PCDHGC3: variants seen among roughly 807,000 people sequenced by gnomAD.
The protein encoded by PCDHGC3 is protocadherin gamma subfamily C, 3.
PCDHGC3 carries 26 observed loss-of-function variants against 59.2 expected under a neutral mutation model. The observed-to-expected ratio is 0.44, with a 90% CI of 0.32 to 0.61. The LOEUF (loss-of-function observed/expected upper bound fraction) is 0.61, where lower values mean the gene tolerates loss of function less well. Ranked by LOEUF, PCDHGC3 falls within the 20% of genes least tolerant of loss-of-function variation. The probability of loss-of-function intolerance (pLI) is 0.05; values close to 1 mark genes in which losing one functional copy is unlikely to be tolerated. For missense variants in PCDHGC3, 1,080 were observed against 1,221.8 expected (o/e 0.88, Z 1.73); for synonymous variants, 487 against 519.7 (o/e 0.94, Z 0.86).
chr5:141,495,005 C>CG (rs2099758180), intron 2 of PCDHGC3, 140 bp downstream of exon 2: 6 of 1,522,802 alleles, frequency 3.9e-6, no homozygotes, highest in Admixed American at 2.0e-5. Context: ...TCTTGGTGTG[C>CG]GGGGGGCTGG....
At position 141,487,148 on chromosome 5, in the gene PCDHGC3, G is replaced by A; in HGVS notation, c.2431-7659G>A. ...TGGTAGTCCACCACTCTCTACCTCT[G>A]TTACTCTCTTAGTGTCCTTAGAGGA... On this transcript the variant is annotated intron_variant, in intron 1 of 3. Transcript: ENST00000308177. This position sits in a 1 kb window ranked among gnomAD's most constrained non-coding sequence, Gnocchi z 5.0. The A allele has an allele frequency of 6.2e-7, 1 of 1,614,042 alleles. No homozygotes were observed. The highest frequency in any genetic ancestry group is 8.5e-7 in the Non-Finnish European group (1 of 1,179,922).
chr5:141,477,043 G>A lies in PCDHGC3; in HGVS notation c.927G>A (p.Arg309=). The A allele has an allele frequency of 6.2e-7, 1 of 1,614,260 alleles. No individual in the cohort carries two copies. Among genetic ancestry groups the A allele is most frequent in the Middle Eastern group, 1.6e-4 (1 of 6,062 alleles). Residue 309 remains arginine (R), a synonymous_variant, in exon 1 of 4, where the codon CGG becomes CGA. Coordinates refer to ENST00000308177, the MANE Select transcript of PCDHGC3 (RefSeq NM_002588.4). This position sits in a 1 kb window ranked among gnomAD's most constrained non-coding sequence, Gnocchi z 4.9. ...LVTGMLTIKG[R]LDFEDTKLHE... The stretch of plus-strand genomic sequence containing the variant: ...CCGGGATGCTGACAATCAAGGGTCG[G>A]CTGGACTTCGAGGACACCAAACTCC...
At chr5:141,507,932 G>C (rs2099865030) in intron 3 of PCDHGC3, 1 of 152,338 alleles carries the variant, frequency 6.6e-6, no homozygotes, top group Admixed American at 6.5e-5. Context: ...TGCTGAGAGG[G>C]GTTAAGTAAG....
intron 1 of PCDHGC3, among the ~76,000 whole-genome samples, chr5:141,482,104 A>T (rs11748215): frequency 0.23 from 34,477 of 150,324 alleles, 4,798 homozygotes; most frequent in African/African-American, 0.39. Context: ...AAAAAAAAAA[A>T]ATATCTAGAG....
chr5:141,504,434 A>C (rs2099838201), intron 2 of PCDHGC3, among the ~76,000 whole-genome samples: 1 of 152,234 alleles, frequency 6.6e-6, no homozygotes, highest in South Asian at 2.1e-4. Flanking sequence ...CAACAGCTGC[A>C]GTGTGACTAG....
chr5:141,487,386 G>C lies in PCDHGC3; in HGVS notation c.2431-7421G>C. On this transcript the variant is annotated intron_variant, in intron 1 of 3. Coordinates refer to ENST00000308177, the MANE Select transcript of PCDHGC3 (RefSeq NM_002588.4). The surrounding 1 kb of genome is among the most constrained non-coding windows in gnomAD (Gnocchi z 5.0). Reference sequence around the variant, plus strand: ...ACCTGTGCCTGTCTCACCAGATCTCGAAGGAGGGAGGGGCTTCCCCCTTCC... The same window carrying C: ...ACCTGTGCCTGTCTCACCAGATCTCCAAGGAGGGAGGGGCTTCCCCCTTCC... The C allele has an allele frequency of 1.2e-6, 2 of 1,614,164 alleles. No homozygotes were observed. Among genetic ancestry groups the C allele is most frequent in the South Asian group, 1.1e-5 (1 of 91,084 alleles).
chr5:141,485,827 G>A lies in PCDHGC3; in HGVS notation c.2430+7281G>A. 1 of 1,614,154 alleles carries A rather than the reference G, an allele frequency of 6.2e-7. No individual in the cohort carries two copies. The highest frequency in any genetic ancestry group is 1.1e-5 in the South Asian group (1 of 91,080). On this transcript the variant is annotated intron_variant, in intron 1 of 3. Coordinates refer to ENST00000308177, the MANE Select transcript of PCDHGC3 (RefSeq NM_002588.4). The surrounding 1 kb of genome is among the most constrained non-coding windows in gnomAD (Gnocchi z 5.7). Reference sequence around the variant, plus strand: ...TGGTGCTGACTGCTGTCGATGGAGGGAACCCGCCGAGATCTGGCACCGCAG... The same window carrying A: ...TGGTGCTGACTGCTGTCGATGGAGGAAACCCGCCGAGATCTGGCACCGCAG...
In PCDHGC3 at chr5:141,490,692, G is replaced by C. The variant is rs751109998; in HGVS notation, c.2431-4115G>C. 16 of 1,614,154 alleles carry C rather than the reference G, an allele frequency of 9.9e-6. 1 individual carries two copies. The Middle Eastern group carries it at 6.6e-4, about 67-fold the overall frequency. ...TGGCTGCCTCAGATCCAGACACTGG[G>C]GATAATGCCCGCCTCACCTACTCCA... On this transcript the variant is annotated intron_variant, in intron 1 of 3. Transcript: ENST00000308177. This position sits in a 1 kb window ranked among gnomAD's most constrained non-coding sequence, Gnocchi z 5.4.
intron 1 of PCDHGC3, among the ~76,000 whole-genome samples, chr5:141,492,745 C>G (rs2099743569): frequency 6.6e-6 from 1 of 152,262 alleles, no homozygotes; most frequent in Non-Finnish European, 1.5e-5. Flanking sequence ...GTGGCCGAGG[C>G]GCGGCAGGGC....
intron 2 of PCDHGC3, among the ~76,000 whole-genome samples, chr5:141,503,456 A>G (rs920770738): frequency 1.3e-5 from 2 of 152,058 alleles, no homozygotes; most frequent in African/African-American, 4.8e-5. Context: ...TTCGCTGGGC[A>G]TGGTGGCATG....
At position 141,491,597 on chromosome 5, in the gene PCDHGC3, A is replaced by T. The variant is rs1389838814; in HGVS notation, c.2431-3210A>T. Reference sequence around the variant, plus strand: ...TTTTCACCGGCCTCGGACGGCAGTGACTTCACTTTTCTAAGACCCCTCAGC... The same window carrying T: ...TTTTCACCGGCCTCGGACGGCAGTGTCTTCACTTTTCTAAGACCCCTCAGC... On this transcript the variant is annotated intron_variant, in intron 1 of 3. Coordinates refer to ENST00000308177, the MANE Select transcript of PCDHGC3 (RefSeq NM_002588.4). This position sits in a 1 kb window ranked among gnomAD's most constrained non-coding sequence, Gnocchi z 6.9. 1.2e-6 allele frequency: 2 copies of T among 1,613,788 alleles called. No individual in the cohort carries two copies. The highest frequency in any genetic ancestry group is 1.7e-6 in the Non-Finnish European group (2 of 1,180,012).
Position 141,477,160 on chromosome 5 carries a change from C to A in PCDHGC3, c.1044C>A (p.Asn348Lys), listed in dbSNP as rs768436526. The A allele has an allele frequency of 1.9e-5, 31 of 1,614,068 alleles. No homozygotes were observed. The African/African-American group carries it at 3.6e-4, about 19-fold the overall frequency. The change falls in exon 1 of 4, where the codon AAC becomes AAA. Residue 348 changes from asparagine (N) to lysine (K), a missense_variant. Coordinates refer to ENST00000308177, the MANE Select transcript of PCDHGC3 (RefSeq NM_002588.4). This position sits in a 1 kb window ranked among gnomAD's most constrained non-coding sequence, Gnocchi z 4.9. ...VLVEVVDVND[N>K]APEITVTSVY... ...TGGAGGTTGTGGATGTGAATGACAA[C>A]GCCCCGGAGATCACAGTCACCTCCG...
Position 141,486,585 on chromosome 5 carries a change from G to A in PCDHGC3, c.2430+8039G>A. The A allele has an allele frequency of 6.2e-7, 1 of 1,613,708 alleles. No individual in the cohort carries two copies. The highest frequency in any genetic ancestry group is 1.1e-5 in the South Asian group (1 of 91,080). ...TTTGTTCCTGAGAACAATCGCCCAG[G>A]GGACCTGCTTTGCTCCCTTGCAGCC... On this transcript the variant is annotated intron_variant, in intron 1 of 3. Transcript: ENST00000308177. The surrounding 1 kb of genome is among the most constrained non-coding windows in gnomAD (Gnocchi z 5.0).
chr5:141,487,485 G>A lies in PCDHGC3; in HGVS notation c.2431-7322G>A. On this transcript the variant is annotated intron_variant, in intron 1 of 3. Transcript: ENST00000308177. The surrounding 1 kb of genome is among the most constrained non-coding windows in gnomAD (Gnocchi z 5.0). ...GTTGATGTGGGAGGCCACTCTCATG[G>A]CTGTACACCCTTGGCTTCTGCACCC... The A allele has an allele frequency of 6.2e-7, 1 of 1,614,164 alleles. No homozygotes were observed. Among genetic ancestry groups the A allele is most frequent in the Non-Finnish European group, 8.5e-7 (1 of 1,180,030 alleles).
chr5:141,488,441 C>T (rs1320712074), intron 1 of PCDHGC3, among the ~76,000 whole-genome samples: 1 of 152,206 alleles, frequency 6.6e-6, no homozygotes, highest in Non-Finnish European at 1.5e-5. Flanking sequence ...TGACCACCCT[C>T]CTGGGTGACC....
At position 141,476,903 on chromosome 5, in the gene PCDHGC3, G is replaced by C; in HGVS notation, c.787G>C (p.Val263Leu). The change falls in exon 1 of 4, where the codon GTG becomes CTG. Residue 263 changes from valine (V) to leucine (L), a missense_variant. By Grantham distance (32) the Val-to-Leu change is conservative. Transcript: ENST00000308177. The surrounding 1 kb of genome is among the most constrained non-coding windows in gnomAD (Gnocchi z 7.6). Reference sequence around the variant, plus strand: ...GGAGGATGCACCCTCCGGCACGCGCGTGGTACAAGTCCTTGCAACGGATCT... The same window carrying C: ...GGAGGATGCACCCTCCGGCACGCGCCTGGTACAAGTCCTTGCAACGGATCT... ...VLEDAPSGTR[V>L]VQVLATDLDE... The C allele has an allele frequency of 1.2e-6, 2 of 1,614,018 alleles. No individual in the cohort carries two copies. Among genetic ancestry groups the C allele is most frequent in the Non-Finnish European group, 1.7e-6 (2 of 1,180,044 alleles).
In PCDHGC3 at chr5:141,489,223, C is replaced by T. The variant is rs771455540; in HGVS notation, c.2431-5584C>T. The T allele has an allele frequency of 6.6e-7, 1 of 1,515,444 alleles. No homozygotes were observed. The highest frequency in any genetic ancestry group is 1.3e-5 in the South Asian group (1 of 75,776). 93.9% of individuals were successfully genotyped at this position (1,515,444 alleles called of 1,614,324 possible). A position where few individuals can be genotyped will look rare whatever the true frequency, so the allele number is the denominator to read the frequency against. The stretch of plus-strand genomic sequence containing the variant: ...CAGGACAGCACAGACTTACTCTCCA[C>T]AAAGGGACTTCTGGGTCATGGGGCC... On this transcript the variant is annotated intron_variant, in intron 1 of 3. Coordinates refer to ENST00000308177, the MANE Select transcript of PCDHGC3 (RefSeq NM_002588.4). The surrounding 1 kb of genome is among the most constrained non-coding windows in gnomAD (Gnocchi z 4.5).
At position 141,491,828 on chromosome 5, in the gene PCDHGC3, G is replaced by C. The variant is rs1389234164; in HGVS notation, c.2431-2979G>C. ...CTTGGTCGCTGGCTGCGCTCCACCC[G>C]ATTCTCGGGATCATTGGACCGTTTG... On this transcript the variant is annotated intron_variant, in intron 1 of 3. Coordinates refer to ENST00000308177, the MANE Select transcript of PCDHGC3 (RefSeq NM_002588.4). The surrounding 1 kb of genome is among the most constrained non-coding windows in gnomAD (Gnocchi z 6.9). 4.1e-6 allele frequency: 6 copies of C among 1,475,668 alleles called. No homozygotes were observed. The highest frequency in any genetic ancestry group is 5.4e-6 in the Non-Finnish European group (6 of 1,113,522). 91.4% of individuals were successfully genotyped at this position (1,475,668 alleles called of 1,614,324 possible).
chr5:141,478,692 A>C (rs1459911657), intron 1 of PCDHGC3, 146 bp downstream of exon 1: 2 of 1,550,666 alleles, frequency 1.3e-6, no homozygotes, highest in African/African-American at 2.7e-5. Context: ...CCTAGATCAA[A>C]GTTAGTGCCT....
Sources: allele counts gnomAD v4.1 joint callset (sites outside exome capture counted in the v4.1 genomes callset), GRCh38; gene constraint gnomAD v4.1.1; non-coding constraint Gnocchi (gnomAD v3.1); transcripts MANE v1.5; gene names NCBI Gene and HGNC (gene_info 2026-07-23, HGNC 2026-07-21).